TENM1: variants seen among roughly 807,000 people sequenced by gnomAD.
TENM1 encodes teneurin transmembrane protein 1, also known as teneurin-1.
A neutral mutation model predicts 174.8 loss-of-function variants in TENM1; 35 were observed. The ratio of observed to expected loss-of-function variants is 0.20; its 90% CI spans 0.15 to 0.27. TENM1 has a LOEUF of 0.27. Among genes scored for constraint, TENM1 ranks in the 10% least tolerant of loss-of-function variants. The pLI, the probability that TENM1 is intolerant of heterozygous loss-of-function variation, is 1.00. For synonymous variants in TENM1, 781 were observed against 798.7 expected (o/e 0.98, Z 0.37); for missense variants, 1,633 against 2,130.1 (o/e 0.77, Z 4.59).
At chrX:124,791,059 T>C (rs1884954720) in intron 3 of TENM1, among the ~76,000 whole-genome samples, 1 of 112,108 alleles carries the variant, frequency 8.9e-6, no homozygotes, top group Admixed American at 9.5e-5. Context: ...TTATCACATA[T>C]TAATTGCCAA....
At chrX:124,427,802 G>T (rs1188515558) in intron 23 of TENM1, among the ~76,000 whole-genome samples, 2 of 111,981 alleles carry the variant, frequency 1.8e-5, no homozygotes, top group Non-Finnish European at 3.8e-5. Flanking sequence ...TGGAGTCTTT[G>T]AGCTGATTCT....
chrX:124,837,390 T>C (rs775596223), intron 3 of TENM1, among the ~76,000 whole-genome samples: 3 of 112,185 alleles, frequency 2.7e-5, no homozygotes, highest in African/African-American at 9.7e-5. Flanking sequence ...CGCCCAGCCT[T>C]TTTTTCTCTA....
At chrX:124,760,011 A>C (rs2054368728) in intron 3 of TENM1, among the ~76,000 whole-genome samples, 1 of 111,368 alleles carries the variant, frequency 9.0e-6, no homozygotes, top group Non-Finnish European at 1.9e-5. Context: ...GTCCCGGATG[A>C]AGCCCACCCT....
the TENM1 span, among the ~76,000 whole-genome samples, chrX:124,981,751 T>C: frequency 9.0e-6 from 1 of 111,284 alleles, no homozygotes; most frequent in African/African-American, 3.3e-5. Flanking sequence ...CTAGATTCCC[T>C]ATCAGCCCAG....
In TENM1 at chrX:124,668,430, C is replaced by T. The variant is rs779759811; in HGVS notation, c.1168+3253G>A. Among the ~76,000 whole-genome samples the T allele has an allele frequency of 3.6e-5, 4 of 111,865 alleles. No individual in the cohort carries two copies. The South Asian group carries it at 1.1e-3, about 32-fold the overall frequency. ...TTTACTGCGGCACTATTCACAATAG[C>T]GAAGACTTGGAACCAACCCAAATGT... On this transcript the variant is annotated intron_variant, in intron 6 of 31. Transcript: ENST00000422452.
At chrX:124,883,434 T>A (rs1603260354) in intron 3 of TENM1, among the ~76,000 whole-genome samples, 2 of 112,512 alleles carry the variant, frequency 1.8e-5, no homozygotes, top group Admixed American at 1.9e-4. Context: ...GGCCCCTCCT[T>A]GAGCTGCAGT....
chrX:124,916,851 C>T (rs1396256670), intron 1 of TENM1, among the ~76,000 whole-genome samples: 2 of 109,147 alleles, frequency 1.8e-5, no homozygotes, highest in Non-Finnish European at 3.8e-5. Context: ...TGTGATGACA[C>T]AAAAAGACAT....
chrX:125,008,213 A>G, the TENM1 span, among the ~76,000 whole-genome samples: 1 of 110,457 alleles, frequency 9.1e-6, no homozygotes, highest in African/African-American at 3.3e-5. Context: ...GAAAGCAAAA[A>G]AGAGCAGGGG....
At chrX:124,713,821 A>C (rs2053118661) in intron 4 of TENM1, among the ~76,000 whole-genome samples, 1 of 112,093 alleles carries the variant, frequency 8.9e-6, no homozygotes, top group African/African-American at 3.2e-5. Context: ...GGGTAGTCTA[A>C]GGTAAGTGTT....
chrX:124,832,787 C>T (rs2056316960), intron 3 of TENM1, among the ~76,000 whole-genome samples: 1 of 111,780 alleles, frequency 8.9e-6, no homozygotes, highest in African/African-American at 3.3e-5. Context: ...ATTGCCCTGG[C>T]TGGTCTTGAA....
At chrX:124,739,689 A>G (rs990015660) in intron 3 of TENM1, among the ~76,000 whole-genome samples, 2 of 112,117 alleles carry the variant, frequency 1.8e-5, no homozygotes, top group Non-Finnish European at 3.8e-5. Flanking sequence ...TTGATCCCTG[A>G]GTTGGCAATA....
At chrX:125,057,288 C>T in the TENM1 span, among the ~76,000 whole-genome samples, 1 of 110,358 alleles carries the variant, frequency 9.1e-6, no homozygotes, top group African/African-American at 3.3e-5. Flanking sequence ...AGTCAAGTGA[C>T]CGGGGTGGGC....
At chrX:124,577,894 C>T (rs749750525) in intron 11 of TENM1, among the ~76,000 whole-genome samples, 5 of 110,823 alleles carry the variant, frequency 4.5e-5, no homozygotes, top group Non-Finnish European at 9.4e-5. Flanking sequence ...ATTTTAATCT[C>T]GACTCATGAA....
intron 1 of TENM1, among the ~76,000 whole-genome samples, chrX:124,929,713 C>T (rs780410228): frequency 2.7e-5 from 3 of 111,821 alleles, no homozygotes; most frequent in Non-Finnish European, 5.6e-5. Context: ...GCTTAGTTTT[C>T]TGACATGGCT....
intron 1 of TENM1, among the ~76,000 whole-genome samples, chrX:124,957,578 C>CAAA (rs1225936775): frequency 2.6e-3 from 79 of 30,763 alleles, no homozygotes; most frequent in African/African-American, 4.6e-3. Flanking sequence ...AACTCCAACT[C>CAAA]AAAAAAAAAA....
chrX:124,811,062 TA>T (rs1201490909), intron 3 of TENM1, among the ~76,000 whole-genome samples: 1 of 111,206 alleles, frequency 9.0e-6, no homozygotes, highest in Non-Finnish European at 1.9e-5. Context: ...GGATAAACTA[TA>T]AAATGACCAG....
Position 124,392,313 on chromosome X carries a change from A to T in TENM1, c.5427T>A (p.Asp1809Glu), listed in dbSNP as rs772315589. The T allele has an allele frequency of 3.8e-5, 46 of 1,206,276 alleles. No homozygotes were observed. The Admixed American group carries it at 1.0e-3, about 26-fold the overall frequency. Residue 1809 changes from aspartate (D) to glutamate (E), a missense_variant, in exon 28 of 32, where the codon GAT (aspartate) becomes GAA (glutamate). Asp to Glu is a conservative substitution (Grantham distance 45, BLOSUM62 2). Coordinates refer to ENST00000422452, the Ensembl canonical transcript of TENM1. ...AGATCTTTCCTGTGCGGGTTATATG[A>T]TCAAAATCTATGGAGAGTAGGTTTC...
intron 4 of TENM1, among the ~76,000 whole-genome samples, chrX:124,719,605 C>T (rs2053263963): frequency 9.0e-6 from 1 of 110,994 alleles, no homozygotes; most frequent in Non-Finnish European, 1.9e-5. Flanking sequence ...AGCAGGCCTG[C>T]CTTCCACTAA....
intron 6 of TENM1, among the ~76,000 whole-genome samples, chrX:124,656,884 C>T (rs754454775): frequency 2.7e-5 from 3 of 110,397 alleles, no homozygotes; most frequent in Non-Finnish European, 5.7e-5. Flanking sequence ...GAGGCCAAGG[C>T]GGGTGGATAA....
Sources: gnomAD v4.1 joint callset for allele counts (sites outside exome capture counted in the v4.1 genomes callset) on GRCh38, gnomAD v4.1.1 for gene constraint, MANE v1.5 for transcripts, NCBI Gene and HGNC (gene_info 2026-07-23, HGNC 2026-07-21) for gene names.